CRB1: variants seen among roughly 807,000 people sequenced by gnomAD.
CRB1 encodes the protein crumbs cell polarity complex component 1.
A neutral mutation model predicts 120.0 loss-of-function variants in CRB1; 83 were observed. The observed-to-expected ratio is 0.69, with a 90% confidence interval of 0.58 to 0.83. The LOEUF (loss-of-function observed/expected upper bound fraction) is 0.83, where lower values mean the gene tolerates loss of function less well. CRB1 is among the 40% of genes least tolerant of loss of function. The probability of loss-of-function intolerance (pLI) is 0.00; values close to 1 mark genes in which losing one functional copy is unlikely to be tolerated. For missense variants in CRB1, 1,699 were observed against 1,687.6 expected (o/e 1.01, Z -0.12); for synonymous variants, 625 against 612.5 (o/e 1.02, Z -0.30).
the CRB1 span, among the ~76,000 whole-genome samples, chr1:197,208,967 T>C: frequency 6.6e-6 from 1 of 152,152 alleles, no homozygotes; most frequent in Non-Finnish European, 1.5e-5. Flanking sequence ...AGGGGAATTA[T>C]GGCTGCCTCT....
chr1:197,252,046 A>G, the CRB1 span, among the ~76,000 whole-genome samples: 1 of 151,882 alleles, frequency 6.6e-6, no homozygotes, highest in Non-Finnish European at 1.5e-5. Flanking sequence ...AGCTATCCAC[A>G]GTTTTGTTCA....
At chr1:197,452,726 A>G (rs993181335) in intron 11 of CRB1, among the ~76,000 whole-genome samples, 7 of 152,212 alleles carry the variant, frequency 4.6e-5, no homozygotes, top group Non-Finnish European at 7.3e-5. Flanking sequence ...ATGCAGCACT[A>G]TCTTTAGTAA....
intron 5 of CRB1, among the ~76,000 whole-genome samples, chr1:197,390,369 C>T (rs1558102154): frequency 6.6e-6 from 1 of 151,982 alleles, no homozygotes; most frequent in Non-Finnish European, 1.5e-5. Flanking sequence ...ACATTTTTCC[C>T]ATATGCCCTC....
the CRB1 span, among the ~76,000 whole-genome samples, chr1:197,250,453 G>A: frequency 1.3e-5 from 2 of 151,686 alleles, no homozygotes; most frequent in African/African-American, 4.8e-5. Flanking sequence ...CAAACTTTAC[G>A]ATTAGATTCT....
chr1:197,441,131 A>G (rs1665413066), intron 10 of CRB1: 1 of 152,166 alleles, frequency 6.6e-6, no homozygotes, highest in African/African-American at 2.4e-5. Flanking sequence ...AAGGTGAGGG[A>G]AAGAATAAGG....
At chr1:197,330,381 T>G (rs1215903427) in intron 2 of CRB1, among the ~76,000 whole-genome samples, 1 of 152,226 alleles carries the variant, frequency 6.6e-6, no homozygotes, top group Non-Finnish European at 1.5e-5. Flanking sequence ...AATAGACCTA[T>G]GCCGTAGTTC....
At chr1:197,289,158 A>C (rs1159053212) in intron 1 of CRB1, among the ~76,000 whole-genome samples, 2 of 151,774 alleles carry the variant, frequency 1.3e-5, no homozygotes, top group Non-Finnish European at 2.9e-5. Flanking sequence ...AACAAAAAAC[A>C]AATCCCAAGT....
At chr1:197,272,502 A>G (rs1285943379) in intron 1 of CRB1, among the ~76,000 whole-genome samples, 1 of 152,094 alleles carries the variant, frequency 6.6e-6, no homozygotes. Flanking sequence ...TGGTCTCACA[A>G]TAACAAATAC....
At chr1:197,430,600 T>A (rs1264778129) in intron 8 of CRB1, among the ~76,000 whole-genome samples, 1 of 152,180 alleles carries the variant, frequency 6.6e-6, no homozygotes, top group Non-Finnish European at 1.5e-5. Context: ...TGAACTCTCT[T>A]AACCCAGAGA....
At chr1:197,390,514 T>C (rs1167205873) in intron 5 of CRB1, among the ~76,000 whole-genome samples, 1 of 151,994 alleles carries the variant, frequency 6.6e-6, no homozygotes, top group African/African-American at 2.4e-5. Flanking sequence ...CATTTGATTG[T>C]TTTTCATATC....
chr1:197,426,765 G>A (rs902083313), intron 6 of CRB1, among the ~76,000 whole-genome samples: 4 of 151,966 alleles, frequency 2.6e-5, no homozygotes, highest in Non-Finnish European at 2.9e-5. Context: ...TTGTTCAACT[G>A]CCTTGCTTCT....
intron 1 of CRB1, among the ~76,000 whole-genome samples, chr1:197,286,044 T>C (rs1380678546): frequency 6.6e-6 from 1 of 151,864 alleles, no homozygotes; most frequent in Non-Finnish European, 1.5e-5. Flanking sequence ...TTCTCTGTAC[T>C]CATTGTAGCT....
At chr1:197,211,104 A>C in the CRB1 span, among the ~76,000 whole-genome samples, 1 of 152,218 alleles carries the variant, frequency 6.6e-6, no homozygotes, top group African/African-American at 2.4e-5. Context: ...TTTATACACA[A>C]TTCTCTATGA....
At chr1:197,259,834 A>G in the CRB1 span, among the ~76,000 whole-genome samples, 1 of 152,100 alleles carries the variant, frequency 6.6e-6, no homozygotes, top group African/African-American at 2.4e-5. Flanking sequence ...GATAAACTGT[A>G]CAAGGGAAGG....
intron 11 of CRB1, among the ~76,000 whole-genome samples, chr1:197,458,123 G>C (rs1234936426): frequency 1.3e-5 from 2 of 152,068 alleles, no homozygotes; most frequent in Admixed American, 6.6e-5. Context: ...GGAAACTTAA[G>C]GCACTGGTCC....
At chr1:197,432,786 C>A (rs1664936683) in intron 8 of CRB1, among the ~76,000 whole-genome samples, 1 of 151,992 alleles carries the variant, frequency 6.6e-6, no homozygotes, top group South Asian at 2.1e-4. Context: ...GTTTTTTTAA[C>A]TTGGATAGTC....
the CRB1 span, among the ~76,000 whole-genome samples, chr1:197,238,051 T>G: frequency 7.9e-5 from 12 of 152,278 alleles, no homozygotes; most frequent in South Asian, 2.3e-3. Context: ...TATTTTCACT[T>G]TTCACTGAGT....
intron 5 of CRB1, among the ~76,000 whole-genome samples, chr1:197,398,840 TC>T (rs1329535083): frequency 6.7e-6 from 1 of 149,352 alleles, no homozygotes; most frequent in African/African-American, 2.5e-5. Flanking sequence ...AGGGGTAAAA[TC>T]CCAAGGACAA....
the CRB1 span, among the ~76,000 whole-genome samples, chr1:197,236,556 G>C: frequency 6.6e-6 from 1 of 152,048 alleles, no homozygotes; most frequent in Non-Finnish European, 1.5e-5. Context: ...GCACCATGTT[G>C]AATAAGAGAG....
Sources: gnomAD v4.1 joint callset for allele counts (sites outside exome capture counted in the v4.1 genomes callset) on GRCh38, gnomAD v4.1.1 for gene constraint, MANE v1.5 for transcripts, NCBI Gene and HGNC (gene_info 2026-07-23, HGNC 2026-07-21) for gene names.